Variants in PLPP2 observed in about 807,000 individuals in gnomAD.
PLPP2 encodes the protein phospholipid phosphatase 2, also known as PAP2-gamma.
A neutral mutation model predicts 35.2 loss-of-function variants in PLPP2; 29 were observed. That is an observed-to-expected ratio of 0.82 (90% CI 0.61 to 1.12). The LOEUF is 1.12. Among genes scored for constraint, PLPP2 ranks in the 50% most tolerant of loss-of-function variants. The pLI, the probability that PLPP2 is intolerant of heterozygous loss-of-function variation, is 0.00. For missense variants in PLPP2, 353 were observed against 375.2 expected (o/e 0.94, Z 0.49); for synonymous variants, 162 against 167.0 (o/e 0.97, Z 0.23).
In PLPP2 at chr19:287,967, G is replaced by C. The variant is rs1970303305; in HGVS notation, c.204+53C>G. ...CCCCCCATCAGGCCCCCAGGGTAAA[G>C]CTGGCCCCACCCCATCCCCCTACCC... On this transcript the variant is annotated intron_variant, in intron 2 of 5. Transcript: ENST00000434325. This position sits in a 1 kb window ranked among gnomAD's most constrained non-coding sequence, Gnocchi z 4.3. 6.6e-7 allele frequency: 1 copy of C among 1,509,708 alleles called. No individual in the cohort carries two copies. The highest frequency in any genetic ancestry group is 1.9e-5 in the African/African-American group (1 of 51,602). The allele number at this position is 1,509,708 out of a possible 1,614,324, so 93.5% of individuals were successfully genotyped here. A position where few individuals can be genotyped will look rare whatever the true frequency, so the allele number is the denominator to read the frequency against.
chr19:287,774 C>T lies in PLPP2; in HGVS notation c.205-23G>A. The T allele has an allele frequency of 1.2e-6, 2 of 1,611,850 alleles. No homozygotes were observed. Among genetic ancestry groups the T allele is most frequent in the Non-Finnish European group, 1.7e-6 (2 of 1,178,794 alleles). ...GACCTGCAAGAGCAGCCGCAGGAAC[C>T]AGTGGGGGTCTCGGTCGGCCCAGGG... On this transcript the variant is annotated intron_variant, in intron 2 of 5. Transcript: ENST00000434325. This position sits in a 1 kb window ranked among gnomAD's most constrained non-coding sequence, Gnocchi z 4.3.
rs757083485 is a variant in PLPP2, at chr19:282,724, A to T, written c.540+28T>A. ...AGTGATTTAGCCATGGTTCCCCCGAAAAGCAAGCCCGGGAGAAACAGACTC... is the reference window on the plus strand; with the variant it reads ...AGTGATTTAGCCATGGTTCCCCCGATAAGCAAGCCCGGGAGAAACAGACTC... On this transcript the variant is annotated intron_variant, in intron 4 of 5. Coordinates refer to ENST00000434325, the MANE Select transcript of PLPP2 (RefSeq NM_003712.4). The T allele has an allele frequency of 1.9e-6, 3 of 1,604,530 alleles. No individual in the cohort carries two copies. The South Asian group carries it at 3.3e-5, about 18-fold the overall frequency.
At chr19:291,050 C>T (rs1304394577) in intron 1 of PLPP2, 1 of 1,291,130 alleles carries the variant, frequency 7.7e-7, no homozygotes, top group Non-Finnish European at 9.8e-7. Context: ...GCTCCCCGGG[C>T]CTCTCGCGAC....
intron 1 of PLPP2, chr19:290,803 G>A (rs1970374763): frequency 1.5e-6 from 1 of 654,568 alleles, no homozygotes; most frequent in African/African-American, 1.9e-5. Flanking sequence ...CACGTGCACG[G>A]GTTCGAATCC....
intron 1 of PLPP2, 102 bp downstream of exon 1, chr19:291,183 G>T (rs950289902): frequency 2.1e-5 from 33 of 1,555,150 alleles, no homozygotes; most frequent in Non-Finnish European, 2.6e-5. Flanking sequence ...TCGGAGGGAC[G>T]AGGGCGCGCA....
At position 287,826 on chromosome 19, in the gene PLPP2, C is replaced by G; in HGVS notation, c.205-75G>C. Reference sequence around the variant, plus strand: ...CCCTCACTCCTCCGCACGGGCCTCCCCAAGGCTGCTGGAGAGCTGGGGACT... The same window carrying G: ...CCCTCACTCCTCCGCACGGGCCTCCGCAAGGCTGCTGGAGAGCTGGGGACT... On this transcript the variant is annotated intron_variant, in intron 2 of 5. Coordinates refer to ENST00000434325, the MANE Select transcript of PLPP2 (RefSeq NM_003712.4). The surrounding 1 kb of genome is among the most constrained non-coding windows in gnomAD (Gnocchi z 4.3). 6.4e-7 allele frequency: 1 copy of G among 1,568,124 alleles called. No homozygotes were observed. The highest frequency in any genetic ancestry group is 8.7e-7 in the Non-Finnish European group (1 of 1,155,152).
At chr19:289,849 T>TGCCG (rs1412915025) in intron 1 of PLPP2, among the ~76,000 whole-genome samples, 5 of 152,028 alleles carry the variant, frequency 3.3e-5, no homozygotes, top group Admixed American at 3.3e-4. Flanking sequence ...CTCCTGCAGT[T>TGCCG]GCCGGCCGGG....
Position 287,405 on chromosome 19 carries a change from T to G in PLPP2, c.482+69A>C. 6.5e-7 allele frequency: 1 copy of G among 1,540,760 alleles called. No homozygotes were observed. Among genetic ancestry groups the G allele is most frequent in the South Asian group, 1.3e-5 (1 of 79,898 alleles). On this transcript the variant is annotated intron_variant, in intron 3 of 5. Transcript: ENST00000434325. This position sits in a 1 kb window ranked among gnomAD's most constrained non-coding sequence, Gnocchi z 4.3. ...GTCTCAGCTGCCTGCTGGCTCTTCA[T>G]GATTTGGCTCCAGGGCCTTCTTCAG...
chr19:291,228 G>A (rs945928405), intron 1 of PLPP2, 57 bp downstream of exon 1: 3 of 1,593,284 alleles, frequency 1.9e-6, no homozygotes, highest in East Asian at 4.7e-5. Flanking sequence ...GCGCGCAGCC[G>A]GGGGCGTGTC....
chr19:286,430 C>T (rs1305838831), intron 3 of PLPP2: 4 of 151,242 alleles, frequency 2.6e-5, no homozygotes, highest in Non-Finnish European at 4.4e-5. Context: ...ATAGCAAGAC[C>T]CCCATCTCTA....
chr19:290,925 C>T (rs1970377245), intron 1 of PLPP2: 1 of 1,227,294 alleles, frequency 8.1e-7, no homozygotes. Context: ...CGCGGCCGCC[C>T]CCACCTCCCG....
chr19:287,728 CAGGT>C lies in PLPP2; in HGVS notation c.224_227del (p.Tyr75TrpfsTer33), dbSNP rs1212218459. 3.1e-6 allele frequency: 5 copies of C among 1,613,584 alleles called. No individual in the cohort carries two copies. The highest frequency in any genetic ancestry group is 1.3e-5 in the African/African-American group (1 of 74,940). On this transcript the variant is annotated frameshift_variant, in exon 3 of 6. Transcript: ENST00000434325. LOFTEE classifies it high-confidence loss of function. The surrounding 1 kb of genome is among the most constrained non-coding windows in gnomAD (Gnocchi z 4.3). ...GAGAATAGAGCCGGTCTGTGTACAC[CAGGT>C]AGGCTTCCCCGGCCGAGACCTGCAA...
intron 3 of PLPP2, chr19:286,431 C>T (rs12975007): frequency 0.23 from 34,746 of 151,252 alleles, 4,911 homozygotes; most frequent in Middle Eastern, 0.32. Context: ...TAGCAAGACC[C>T]CCATCTCTAA....
At chr19:285,028 A>C (rs1283490883) in intron 3 of PLPP2, 1 of 152,280 alleles carries the variant, frequency 6.6e-6, no homozygotes, top group Non-Finnish European at 1.5e-5. Context: ...AGGCAGGAGA[A>C]TCGCTTGAAC....
intron 1 of PLPP2, among the ~76,000 whole-genome samples, chr19:288,973 C>T (rs1279650821): frequency 6.6e-6 from 1 of 152,212 alleles, no homozygotes; most frequent in Non-Finnish European, 1.5e-5. Context: ...GAGACACCTT[C>T]GCTCACGCAC....
chr19:289,468 C>CCTGTAATCCCAGG (rs1970339922), intron 1 of PLPP2, among the ~76,000 whole-genome samples: 1 of 56,712 alleles, frequency 1.8e-5, no homozygotes, highest in African/African-American at 6.9e-5. Flanking sequence ...GGTGGCTCAG[C>CCTGTAATCCCAGG]ACTTTGGGAG....
chr19:282,583 G>A (rs573945256), intron 4 of PLPP2, among the ~76,000 whole-genome samples, 169 bp downstream of exon 4: 8 of 151,276 alleles, frequency 5.3e-5, no homozygotes, highest in South Asian at 2.1e-4. Context: ...CACTGAGGCC[G>A]GAGGCAAACA....
In PLPP2 at chr19:287,237, A is replaced by C. The variant is rs1970284391; in HGVS notation, c.482+237T>G. The C allele has an allele frequency of 4.0e-6, 2 of 499,590 alleles. No individual in the cohort carries two copies. The highest frequency in any genetic ancestry group is 1.9e-5 in the African/African-American group (1 of 52,334). The allele number at this position is 499,590 out of a possible 1,614,324, so 30.9% of individuals were successfully genotyped here. A position where few individuals can be genotyped will look rare whatever the true frequency, so the allele number is the denominator to read the frequency against. ...CTTTCAAAAATATATAACAATTACA[A>C]AGGTAAATGTACTAAACAACAGAAC... On this transcript the variant is annotated intron_variant, in intron 3 of 5. Transcript: ENST00000434325. The surrounding 1 kb of genome is among the most constrained non-coding windows in gnomAD (Gnocchi z 4.3).
chr19:287,870 C>T lies in PLPP2; in HGVS notation c.205-119G>A. The stretch of plus-strand genomic sequence containing the variant: ...GGGGACTCTGAAGGGGGCCCTATTA[C>T]CCACAGGTACCACTCAGGGCAAGGC... On this transcript the variant is annotated intron_variant, in intron 2 of 5. Transcript: ENST00000434325. This position sits in a 1 kb window ranked among gnomAD's most constrained non-coding sequence, Gnocchi z 4.3. 6.6e-7 allele frequency: 1 copy of T among 1,509,460 alleles called. No homozygotes were observed. Among genetic ancestry groups the T allele is most frequent in the South Asian group, 1.3e-5 (1 of 77,918 alleles). 93.5% of individuals were successfully genotyped at this position (1,509,460 alleles called of 1,614,324 possible).
Sources: gnomAD v4.1 joint callset for allele counts (sites outside exome capture counted in the v4.1 genomes callset) on GRCh38, gnomAD v4.1.1 for gene constraint, Gnocchi (gnomAD v3.1) non-coding constraint, MANE v1.5 for transcripts, NCBI Gene and HGNC (gene_info 2026-07-23, HGNC 2026-07-21) for gene names.